The following FMN2 variants were observed in gnomAD, a reference collection of about 807,000 sequenced individuals.
FMN2 encodes formin 2, also known as formin-2.
In FMN2, 51 loss-of-function variants were observed where a neutral mutation model predicts 142.3. The ratio of observed to expected loss-of-function variants is 0.36; its 90% confidence interval spans 0.29 to 0.45. FMN2 has a LOEUF of 0.45. Ranked by LOEUF, FMN2 falls within the 20% of genes least tolerant of loss-of-function variation. The probability of loss-of-function intolerance (pLI) is 1.00; values close to 1 mark genes in which losing one functional copy is unlikely to be tolerated. For missense variants in FMN2, 1,936 were observed against 2,122.8 expected (o/e 0.91, Z 1.73); for synonymous variants, 882 against 869.8 (o/e 1.01, Z -0.25).
intron 2 of FMN2, chr1:240,145,305 T>A: frequency 7.5e-7 from 1 of 1,330,582 alleles, no homozygotes; most frequent in Non-Finnish European, 1.0e-6. Flanking sequence ...TTCTCATCCA[T>A]GCCGCTGAGG....
rs886663982 is a variant in FMN2, at chr1:240,303,192, G to C, written c.4215+8309G>C. Among the ~76,000 whole-genome samples, 3 of 152,236 alleles carry C rather than the reference G, an allele frequency of 2.0e-5. No individual in the cohort carries two copies. In the East Asian group the frequency reaches 5.8e-4, roughly 29 times the overall value. On this transcript the variant is annotated intron_variant, in intron 8 of 17. Coordinates refer to ENST00000319653, the MANE Select transcript of FMN2 (RefSeq NM_020066.5). ...TTTTTCTTGATCACAAAGAGAATTT[G>C]CTTTGTCTTCGTCAAGTGAGAGAGA...
chr1:240,201,712 A>C (rs913407098), intron 4 of FMN2, among the ~76,000 whole-genome samples: 1 of 152,172 alleles, frequency 6.6e-6, no homozygotes, highest in African/African-American at 2.4e-5. Context: ...CTTAATTTTT[A>C]ATTTCTTTTT....
chr1:240,171,146 A>C, intron 2 of FMN2: 1 of 1,057,838 alleles, frequency 9.5e-7, no homozygotes, highest in Non-Finnish European at 1.5e-6. Flanking sequence ...AAGAGTGTAG[A>C]AAGTGTCCCA....
chr1:240,145,651 A>G (rs1663430156), intron 2 of FMN2, among the ~76,000 whole-genome samples: 1 of 148,070 alleles, frequency 6.8e-6, no homozygotes, highest in African/African-American at 2.5e-5. Flanking sequence ...CGAGGACCAC[A>G]GGCACGTACC....
intron 2 of FMN2, among the ~76,000 whole-genome samples, chr1:240,153,157 T>C (rs531672860): frequency 1.3e-5 from 2 of 152,272 alleles, no homozygotes; most frequent in Admixed American, 1.3e-4. Context: ...TCCGTGGGCT[T>C]GGTTCCTAGT....
chr1:240,145,528 C>CTTTTTTTTTTTTTTT (rs1663413756), intron 2 of FMN2: 1 of 88,304 alleles, frequency 1.1e-5, no homozygotes, highest in African/African-American at 4.5e-5. Flanking sequence ...TTTTCTTTTT[C>CTTTTTTTTTTTTTTT]TATTTTTTTT....
At chr1:240,301,275 CA>C (rs563388673) in intron 8 of FMN2, among the ~76,000 whole-genome samples, 1 of 151,534 alleles carries the variant, frequency 6.6e-6, no homozygotes, top group South Asian at 2.1e-4. Context: ...ATAGAATTTT[CA>C]TATAAAATAT....
Position 240,176,690 on chromosome 1 carries a change from A to G in FMN2, c.1783-1231A>G, listed in dbSNP as rs1052783114. On this transcript the variant is annotated intron_variant, in intron 2 of 17. Coordinates refer to ENST00000319653, the MANE Select transcript of FMN2 (RefSeq NM_020066.5). ...CCACTAATTTCACCAATGAAAAACT[A>G]TTTCTGATATTCAGTATGCTAAATA... 3.2e-4 allele frequency among the ~76,000 whole-genome samples: 49 copies of G among 152,194 alleles called. 1 individual carries two copies. Among genetic ancestry groups the G allele is most frequent in the African/African-American group, 1.2e-3 (48 of 41,434 alleles).
intron 16 of FMN2, among the ~76,000 whole-genome samples, chr1:240,452,761 A>G (rs1031008461): frequency 3.3e-5 from 5 of 152,230 alleles, no homozygotes; most frequent in Non-Finnish European, 7.3e-5. Context: ...AGGTGCTCAC[A>G]GATAACTCAG....
intron 14 of FMN2, among the ~76,000 whole-genome samples, chr1:240,364,587 T>C (rs1424303476): frequency 6.6e-6 from 1 of 152,138 alleles, no homozygotes; most frequent in Non-Finnish European, 1.5e-5. Context: ...TCTCTGAGGG[T>C]TAGATTTCCA....
At chr1:240,428,958 C>T (rs895238089) in intron 15 of FMN2, among the ~76,000 whole-genome samples, 1 of 152,128 alleles carries the variant, frequency 6.6e-6, no homozygotes, top group Non-Finnish European at 1.5e-5. Flanking sequence ...TCTTGTCTTC[C>T]ATACTTACAA....
At chr1:240,159,338 G>A (rs1013725668) in intron 2 of FMN2, among the ~76,000 whole-genome samples, 3 of 152,062 alleles carry the variant, frequency 2.0e-5, no homozygotes, top group Non-Finnish European at 4.4e-5. Flanking sequence ...AGTAATTTGA[G>A]AGATATTCTC....
At chr1:240,251,489 A>G (rs1015189876) in intron 6 of FMN2, among the ~76,000 whole-genome samples, 1 of 152,184 alleles carries the variant, frequency 6.6e-6, no homozygotes, top group Admixed American at 6.5e-5. Context: ...GTGTCCTAAC[A>G]CATTATCTAC....
intron 2 of FMN2, among the ~76,000 whole-genome samples, chr1:240,141,978 C>T (rs185946850): frequency 6.6e-6 from 1 of 152,204 alleles, no homozygotes; most frequent in East Asian, 1.9e-4. Context: ...ACTTAGTTCC[C>T]ATGATGCTAT....
intron 2 of FMN2, among the ~76,000 whole-genome samples, chr1:240,134,979 C>G (rs563971953): frequency 6.6e-6 from 1 of 152,248 alleles, no homozygotes; most frequent in African/African-American, 2.4e-5. Flanking sequence ...TCATGACCAT[C>G]CCGTAGTGAC....
At chr1:240,210,411 A>G (rs1374310517) in intron 5 of FMN2, among the ~76,000 whole-genome samples, 1 of 152,142 alleles carries the variant, frequency 6.6e-6, no homozygotes, top group Non-Finnish European at 1.5e-5. Flanking sequence ...TCTACTCACT[A>G]CACCATATCG....
At chr1:240,173,102 A>G (rs573398110) in intron 2 of FMN2, among the ~76,000 whole-genome samples, 1 of 151,820 alleles carries the variant, frequency 6.6e-6, no homozygotes. Context: ...CGCTCAGCTA[A>G]TTTTTGTATT....
intron 8 of FMN2, among the ~76,000 whole-genome samples, chr1:240,302,355 G>A (rs932323393): frequency 5.3e-5 from 8 of 151,820 alleles, no homozygotes; most frequent in East Asian, 1.9e-4. Context: ...TCAGAAAATC[G>A]GGACCCAGAA....
At chr1:240,342,914 C>T (rs1671787404) in intron 13 of FMN2, among the ~76,000 whole-genome samples, 1 of 151,700 alleles carries the variant, frequency 6.6e-6, no homozygotes, top group Non-Finnish European at 1.5e-5. Flanking sequence ...ATTAGGTATA[C>T]TTGGAAAATT....
Sources: gnomAD v4.1 joint callset for allele counts (sites outside exome capture counted in the v4.1 genomes callset) on GRCh38, gnomAD v4.1.1 for gene constraint, MANE v1.5 for transcripts, NCBI Gene and HGNC (gene_info 2026-07-23, HGNC 2026-07-21) for gene names.